The following CEP152 variants were observed in gnomAD, a reference collection of about 807,000 sequenced individuals.
CEP152 encodes centrosomal protein 152, also known as centrosomal protein of 152 kDa.
A neutral mutation model predicts 188.9 loss-of-function variants in CEP152; 132 were observed. The ratio of observed to expected loss-of-function variants is 0.70; its 90% confidence interval spans 0.61 to 0.81. The LOEUF (loss-of-function observed/expected upper bound fraction) is 0.81, where lower values mean the gene tolerates loss of function less well. CEP152 is among the 30% of genes least tolerant of loss of function. The pLI is 0.00. For missense variants in CEP152, 1,914 were observed against 1,969.8 expected (o/e 0.97, Z 0.54); for synonymous variants, 649 against 666.6 (o/e 0.97, Z 0.41).
At chr15:48,739,579 T>C (rs1437067761) in intron 26 of CEP152, among the ~76,000 whole-genome samples, 1 of 152,178 alleles carries the variant, frequency 6.6e-6, no homozygotes, top group East Asian at 1.9e-4. Flanking sequence ...TTTTCTGCAA[T>C]AGATGTTATA....
chr15:48,810,136 A>G (rs1898235709), intron 1 of CEP152: 1 of 152,242 alleles, frequency 6.6e-6, no homozygotes, highest in Non-Finnish European at 1.5e-5. Flanking sequence ...ACTCAAGTTC[A>G]TGACTACGAT....
chr15:48,754,427 G>A (rs1894111025), intron 20 of CEP152, among the ~76,000 whole-genome samples: 1 of 151,930 alleles, frequency 6.6e-6, no homozygotes, highest in Non-Finnish European at 1.5e-5. Context: ...GCTTACAAAC[G>A]AAAGCATGTA....
downstream of CEP152, among the ~76,000 whole-genome samples, chr15:48,735,779 G>A (rs1237286217): frequency 6.6e-6 from 1 of 151,824 alleles, no homozygotes; most frequent in African/African-American, 2.4e-5. Flanking sequence ...CAGTTAATTA[G>A]ACATAAAGCA....
Position 48,797,949 on chromosome 15 carries a change from G to A in CEP152, c.190C>T (p.Gln64Ter), listed in dbSNP as rs1196655928. 1 of 1,613,052 alleles carries A rather than the reference G, an allele frequency of 6.2e-7. No homozygotes were observed. The highest frequency in any genetic ancestry group is 2.2e-5 in the East Asian group (1 of 44,874). ...GTGAAAGTGACTTCAGGTGCTTACT[G>A]TCCGTCTGTGCCATCCTCGCTGCAG... Reference protein sequence around the residue: ...SDCSEDGTDGQPHHPEQLEMS... With the variant: ...SDCSEDGTDG Residue 64 changes from glutamine (Q) to a stop codon, truncating the protein, a stop_gained and splice_region_variant, in exon 3 of 27, where the codon CAA becomes TAA. Coordinates refer to ENST00000380950, the MANE Select transcript of CEP152 (RefSeq NM_001194998.2). LOFTEE classifies it high-confidence loss of function.
intron 21 of CEP152, among the ~76,000 whole-genome samples, chr15:48,750,072 G>A (rs760343917): frequency 1.3e-5 from 2 of 151,976 alleles, no homozygotes; most frequent in Non-Finnish European, 2.9e-5. Flanking sequence ...ATATACATAA[G>A]AGCACAAAAT....
chr15:48,794,026 T>C (rs1221327283), intron 6 of CEP152, among the ~76,000 whole-genome samples: 2 of 152,126 alleles, frequency 1.3e-5, no homozygotes, highest in Non-Finnish European at 2.9e-5. Context: ...AGCTAGTGAA[T>C]AGATTAATCA....
chr15:48,792,468 A>G (rs1897047733), intron 7 of CEP152, among the ~76,000 whole-genome samples: 2 of 152,254 alleles, frequency 1.3e-5, no homozygotes, highest in Middle Eastern at 3.2e-3. Context: ...TCTGCAAATG[A>G]AAGTTCAACG....
chr15:48,752,490 A>C (rs955854404), intron 20 of CEP152, 21 bp from the exon 21 acceptor site: 2 of 1,612,166 alleles, frequency 1.2e-6, no homozygotes, highest in Non-Finnish European at 1.7e-6. Context: ...GTATCTTCAA[A>C]GTTAATGCTT....
downstream of CEP152, among the ~76,000 whole-genome samples, chr15:48,736,170 C>T (rs1595577220): frequency 1.3e-5 from 2 of 152,134 alleles, no homozygotes; most frequent in East Asian, 1.9e-4. Context: ...CCCCCACCAC[C>T]AGCCCAGGCT....
In CEP152 at chr15:48,772,410, CA is replaced by C. The variant is rs146867646; in HGVS notation, c.1782+76del. On this transcript the variant is annotated intron_variant, in intron 13 of 26. Transcript: ENST00000380950. ...TGGAAGACAGAGTGACGCCCTGTCTCAAAAAAAAAAAAGTGTAAAAGTTTTC... is the reference window on the plus strand; with the variant it reads ...TGGAAGACAGAGTGACGCCCTGTCTCAAAAAAAAAAAGTGTAAAAGTTTTC... 96,564 of 862,520 alleles carry C rather than the reference CA, an allele frequency of 0.11. 64 individuals carry two copies. Among genetic ancestry groups the C allele is most frequent in the South Asian group, 0.19 (9,127 of 48,692 alleles). 53.4% of individuals were successfully genotyped at this position (862,520 alleles called of 1,614,324 possible).
intron 17 of CEP152, 92 bp downstream of exon 17, chr15:48,766,968 T>C: frequency 6.5e-7 from 1 of 1,537,294 alleles, no homozygotes; most frequent in Non-Finnish European, 8.9e-7. Flanking sequence ...CCTTCTCCAT[T>C]CACTTCTCTA....
chr15:48,806,940 T>C (rs774284643), intron 1 of CEP152, among the ~76,000 whole-genome samples: 22 of 152,074 alleles, frequency 1.4e-4, no homozygotes, highest in Non-Finnish European at 2.5e-4. Flanking sequence ...GTATTAAAGA[T>C]TAACATACAT....
chr15:48,805,428 T>C, intron 2 of CEP152, 135 bp downstream of exon 2: 1 of 1,234,562 alleles, frequency 8.1e-7, no homozygotes, highest in East Asian at 2.6e-5. Flanking sequence ...AGCAAGCAGA[T>C]TTTAGGGTTG....
At chr15:48,748,736 G>A in intron 21 of CEP152, 126 bp from the exon 22 acceptor site, 1 of 1,021,090 alleles carries the variant, frequency 9.8e-7, no homozygotes, top group South Asian at 3.1e-5. Flanking sequence ...ACGACTGAAA[G>A]AGTGTGATGC....
At chr15:48,739,344 T>C (rs1417196999) in intron 26 of CEP152, 56 bp from the exon 27 acceptor site, 2 of 1,534,792 alleles carry the variant, frequency 1.3e-6, no homozygotes, top group Non-Finnish European at 8.7e-7. Context: ...AAAGGGAAGA[T>C]TCATCCTTGA....
intron 22 of CEP152, among the ~76,000 whole-genome samples, chr15:48,746,880 A>G (rs1307760979): frequency 6.6e-6 from 1 of 152,198 alleles, no homozygotes; most frequent in Non-Finnish European, 1.5e-5. Flanking sequence ...GAAGTAATGT[A>G]TTGGGGAAAA....
chr15:48,809,317 T>C (rs1898188267), intron 1 of CEP152, among the ~76,000 whole-genome samples: 1 of 152,188 alleles, frequency 6.6e-6, no homozygotes, highest in Non-Finnish European at 1.5e-5. Flanking sequence ...ATATCCTAGA[T>C]GCACCTAAGA....
chr15:48,756,062 G>T lies in CEP152; in HGVS notation c.3186C>A (p.Ile1062=), dbSNP rs765719526. The change falls in exon 20 of 27, where the codon ATC becomes ATA. Residue 1062 remains isoleucine, a synonymous_variant. Transcript: ENST00000380950. ...AAAGCTGCTTGTCCTCAGAATCACT[G>T]ATGTGCTCCTTTTGGGTATCACTTA... is the stretch of plus-strand genomic sequence containing the variant. ...VLLSDTQKEH[I]SDSEDKQLLE... The T allele has an allele frequency of 6.2e-7, 1 of 1,614,070 alleles. No individual in the cohort carries two copies. The highest frequency in any genetic ancestry group is 8.5e-7 in the Non-Finnish European group (1 of 1,179,972).
intron 10 of CEP152, 83 bp from the exon 11 acceptor site, chr15:48,782,313 G>A: frequency 1.7e-6 from 2 of 1,175,738 alleles, no homozygotes; most frequent in Non-Finnish European, 2.5e-6. Flanking sequence ...TGAATCCACT[G>A]AGGCTACAGA....
Sources: allele counts gnomAD v4.1 joint callset (sites outside exome capture counted in the v4.1 genomes callset), GRCh38; gene constraint gnomAD v4.1.1; transcripts MANE v1.5; gene names NCBI Gene and HGNC (gene_info 2026-07-23, HGNC 2026-07-21).